RBFOX1: variants seen among roughly 807,000 people sequenced by gnomAD.
RBFOX1 encodes RNA binding fox-1 homolog 1, also known as RNA binding protein fox-1 homolog 1.
RBFOX1 carries 8 observed loss-of-function variants against 57.7 expected under a neutral mutation model. That is an observed-to-expected ratio of 0.14 (90% CI 0.08 to 0.25). The LOEUF is 0.25. RBFOX1 is among the 10% of genes least tolerant of loss of function. The pLI is 1.00. For synonymous variants in RBFOX1, 326 were observed against 222.4 expected (o/e 1.47, Z -4.15); for missense variants, 611 against 548.5 (o/e 1.11, Z -1.14).
chr16:7,237,096 G>C (rs2093806237), intron 4 of RBFOX1, among the ~76,000 whole-genome samples: 1 of 152,196 alleles, frequency 6.6e-6, no homozygotes, highest in South Asian at 2.1e-4. Context: ...GTGGCAGCCA[G>C]CTACTTTCCA....
chr16:5,472,456 C>T (rs947260697), intron 2 of RBFOX1, among the ~76,000 whole-genome samples: 2 of 152,140 alleles, frequency 1.3e-5, no homozygotes, highest in Admixed American at 6.5e-5. Context: ...CCAGGTCTCC[C>T]GGCTCAGCAC....
rs190586716 is a variant in RBFOX1 at position 5,757,200 on chromosome 16, C to T, written c.319-110103C>T. On this transcript the variant is annotated intron_variant, in intron 3 of 19. Transcript: ENST00000641259. ...GGGAGAAAGAGCATGAAGAGCGTGGCGGGGAAGGTTTTTTTTGTTTTGGTT... is the reference window on the plus strand; with the variant it reads ...GGGAGAAAGAGCATGAAGAGCGTGGTGGGGAAGGTTTTTTTTGTTTTGGTT... Among the ~76,000 whole-genome samples the T allele has an allele frequency of 3.8e-3, 557 of 145,350 alleles. 1 individual carries two copies. The highest frequency in any genetic ancestry group is 6.5e-3 in the Non-Finnish European group (432 of 66,330).
intron 15 of RBFOX1, chr16:7,710,289 A>G: frequency 8.8e-7 from 1 of 1,136,180 alleles, no homozygotes; most frequent in Non-Finnish European, 1.1e-6. Context: ...ACATTCAACA[A>G]CTGGTCCAAA....
At chr16:7,207,383 C>T (rs948919430) in intron 4 of RBFOX1, among the ~76,000 whole-genome samples, 2 of 152,090 alleles carry the variant, frequency 1.3e-5, no homozygotes, top group African/African-American at 2.4e-5. Context: ...TTATTTCTCT[C>T]TCCGTTAGGT....
At chr16:7,283,060 T>C (rs1438550478) in intron 4 of RBFOX1, among the ~76,000 whole-genome samples, 1 of 152,204 alleles carries the variant, frequency 6.6e-6, no homozygotes, top group Non-Finnish European at 1.5e-5. Flanking sequence ...GCTATAAATA[T>C]GCATGTGCAG....
At chr16:6,164,756 A>G (rs1597960858) in intron 1 of RBFOX1, among the ~76,000 whole-genome samples, 1 of 152,006 alleles carries the variant, frequency 6.6e-6, no homozygotes, top group African/African-American at 2.4e-5. Flanking sequence ...GGTGTGACCC[A>G]CCGTGCCCAG....
intron 2 of RBFOX1, among the ~76,000 whole-genome samples, chr16:6,383,477 T>TA (rs1183150644): frequency 2.0e-5 from 3 of 152,132 alleles, no homozygotes; most frequent in African/African-American, 7.2e-5. Flanking sequence ...AAGCCCCTTC[T>TA]AGAAAAACAG....
chr16:7,459,352 C>G (rs182374022), intron 4 of RBFOX1, among the ~76,000 whole-genome samples: 15 of 152,262 alleles, frequency 9.9e-5, no homozygotes, highest in Admixed American at 3.3e-4. Flanking sequence ...CAATTGTTAC[C>G]TTGCACTTGC....
intron 3 of RBFOX1, among the ~76,000 whole-genome samples, chr16:5,709,121 C>T (rs1295660333): frequency 6.6e-6 from 1 of 152,182 alleles, no homozygotes; most frequent in Non-Finnish European, 1.5e-5. Flanking sequence ...GAGTTTCTGT[C>T]TCTTGCAATC....
chr16:7,686,510 A>T (rs763568044), intron 14 of RBFOX1, among the ~76,000 whole-genome samples: 3 of 152,110 alleles, frequency 2.0e-5, no homozygotes, highest in Non-Finnish European at 4.4e-5. Flanking sequence ...TTGTAAAACC[A>T]ATTGCCTGCC....
At chr16:5,973,484 C>A (rs911478132) in intron 4 of RBFOX1, among the ~76,000 whole-genome samples, 2 of 152,178 alleles carry the variant, frequency 1.3e-5, no homozygotes, top group Non-Finnish European at 1.5e-5. Context: ...GATAATGATG[C>A]CTTCCCTAGG....
At chr16:5,893,193 C>T (rs1446418091) in intron 4 of RBFOX1, among the ~76,000 whole-genome samples, 1 of 152,186 alleles carries the variant, frequency 6.6e-6, no homozygotes, top group Admixed American at 6.5e-5. Context: ...GAAGTATGCT[C>T]CTCATCCTCA....
intron 3 of RBFOX1, among the ~76,000 whole-genome samples, chr16:5,739,840 T>C (rs1478208651): frequency 2.0e-5 from 3 of 152,222 alleles, no homozygotes; most frequent in Non-Finnish European, 4.4e-5. Context: ...ACTTTGCCAT[T>C]TGAGCAAGCT....
chr16:6,439,775 C>A (rs2094328532), intron 2 of RBFOX1, among the ~76,000 whole-genome samples: 1 of 152,044 alleles, frequency 6.6e-6, no homozygotes, highest in South Asian at 2.1e-4. Context: ...ATGTCCCTTC[C>A]CAAGCTCTGG....
At chr16:5,240,047 A>G in exon 1 of RBFOX1, 2 of 1,531,702 alleles carry the variant, frequency 1.3e-6, no homozygotes, top group Non-Finnish European at 1.7e-6. Context: ...GACGGGAAGG[A>G]CGCGCCGCGG....
chr16:6,642,490 C>G (rs937914432), intron 2 of RBFOX1, among the ~76,000 whole-genome samples: 5 of 151,920 alleles, frequency 3.3e-5, no homozygotes, highest in Non-Finnish European at 5.9e-5. Context: ...TTGTGCTGAG[C>G]CAGCAACCCT....
At chr16:6,423,391 G>A (rs766840805) in intron 2 of RBFOX1, among the ~76,000 whole-genome samples, 1 of 152,108 alleles carries the variant, frequency 6.6e-6, no homozygotes, top group African/African-American at 2.4e-5. Context: ...CTGAGGTCAG[G>A]AGTTTGGGAC....
At chr16:7,697,206 G>A (rs191467237) in intron 14 of RBFOX1, among the ~76,000 whole-genome samples, 1 of 152,136 alleles carries the variant, frequency 6.6e-6, no homozygotes, top group African/African-American at 2.4e-5. Context: ...ACAATGGCTT[G>A]GGTTAGTGGG....
intron 3 of RBFOX1, among the ~76,000 whole-genome samples, chr16:7,041,211 G>A (rs983585310): frequency 2.4e-4 from 36 of 150,610 alleles, no homozygotes; most frequent in African/African-American, 8.3e-4. Context: ...TGGGATTACA[G>A]GTGTGAGCCA....
Sources: gnomAD v4.1 joint callset for allele counts (sites outside exome capture counted in the v4.1 genomes callset) on GRCh38, gnomAD v4.1.1 for gene constraint, MANE v1.5 for transcripts, NCBI Gene and HGNC (gene_info 2026-07-23, HGNC 2026-07-21) for gene names.